SLC60A1: variants seen among roughly 807,000 people sequenced by gnomAD.
The protein encoded by SLC60A1 is solute carrier family 60 member 1.
At chr1:205,589,138 G>C in the SLC60A1 span, among the ~76,000 whole-genome samples, 1 of 152,232 alleles carries the variant, frequency 6.6e-6, no homozygotes, top group African/African-American at 2.4e-5. Flanking sequence ...TTGTACATGG[G>C]GTAGCCAGGT....
the SLC60A1 span, among the ~76,000 whole-genome samples, chr1:205,571,348 T>A: frequency 3.8e-3 from 583 of 152,290 alleles, 2 homozygotes; most frequent in African/African-American, 0.013. Flanking sequence ...GCTTTGTGAG[T>A]CATCAGTGTA....
At chr1:205,581,542 G>A in the SLC60A1 span, among the ~76,000 whole-genome samples, 3 of 152,222 alleles carry the variant, frequency 2.0e-5, no homozygotes, top group Non-Finnish European at 2.9e-5. This position sits in a 1 kb window ranked among gnomAD's most constrained non-coding sequence, Gnocchi z 4.2. Flanking sequence ...GATCTCTCAC[G>A]TTAGCCCAGA....
At chr1:205,569,663 G>GC in the SLC60A1 span, among the ~76,000 whole-genome samples, 2 of 151,990 alleles carry the variant, frequency 1.3e-5, no homozygotes, top group Non-Finnish European at 2.9e-5. Flanking sequence ...TGGGGAGGGT[G>GC]CCCCTCTTAC....
the SLC60A1 span, among the ~76,000 whole-genome samples, chr1:205,590,141 C>T: frequency 1.3e-5 from 2 of 152,156 alleles, no homozygotes; most frequent in Non-Finnish European, 2.9e-5. Flanking sequence ...GGTGCAAGTC[C>T]GGAGTCCTGG....
chr1:205,586,696 ACTCT>A, the SLC60A1 span, among the ~76,000 whole-genome samples: 1 of 127,778 alleles, frequency 7.8e-6, no homozygotes. Context: ...CTCCTAGGTG[ACTCT>A]TTTTTTTTTT....
At chr1:205,598,123 C>A in the SLC60A1 span, 2 of 369,590 alleles carry the variant, frequency 5.4e-6, no homozygotes, top group Non-Finnish European at 1.0e-5. Context: ...CCAGAGGGGG[C>A]CCGTGGGAAT....
chr1:205,579,285 G>T, the SLC60A1 span, among the ~76,000 whole-genome samples: 1 of 151,878 alleles, frequency 6.6e-6, no homozygotes, highest in African/African-American at 2.4e-5. Flanking sequence ...AGGACACAGG[G>T]CAGCCAGCGC....
chr1:205,591,304 G>A, the SLC60A1 span, among the ~76,000 whole-genome samples: 4 of 151,872 alleles, frequency 2.6e-5, no homozygotes, highest in Non-Finnish European at 4.4e-5. Context: ...GCAACATGGC[G>A]AACCCTTTCT....
chr1:205,583,011 C>T, the SLC60A1 span, among the ~76,000 whole-genome samples: 1 of 152,208 alleles, frequency 6.6e-6, no homozygotes. Context: ...TGGGCGCTCT[C>T]ACCAGCCTCT....
chr1:205,599,940 A>G, the SLC60A1 span: 2 of 153,722 alleles, frequency 1.3e-5, no homozygotes, highest in African/African-American at 4.8e-5. Context: ...AAAAAGCAAA[A>G]TCATCACAAA....
the SLC60A1 span, among the ~76,000 whole-genome samples, chr1:205,585,271 A>ACAGGC: frequency 2.0e-5 from 3 of 152,264 alleles, no homozygotes; most frequent in South Asian, 6.2e-4. The surrounding 1 kb of genome is among the most constrained non-coding windows in gnomAD (Gnocchi z 4.2). Flanking sequence ...GTTGTCAAGG[A>ACAGGC]CAGGCTACCT....
the SLC60A1 span, among the ~76,000 whole-genome samples, chr1:205,589,721 A>ACCAG: frequency 6.6e-6 from 1 of 152,260 alleles, no homozygotes; most frequent in African/African-American, 2.4e-5. Flanking sequence ...CCAAAGTGGT[A>ACCAG]GAACTAGACA....
At chr1:205,594,134 C>T in the SLC60A1 span, among the ~76,000 whole-genome samples, 5 of 152,192 alleles carry the variant, frequency 3.3e-5, no homozygotes, top group South Asian at 2.1e-4. Flanking sequence ...CTGGGCCCCA[C>T]GGGACATGGC....
chr1:205,579,034 G>T, the SLC60A1 span, among the ~76,000 whole-genome samples: 7 of 152,182 alleles, frequency 4.6e-5, no homozygotes, highest in Admixed American at 3.3e-4. Context: ...CCCTCCCCCT[G>T]CCTGCTGTGG....
the SLC60A1 span, chr1:205,592,091 A>G: frequency 9.9e-6 from 16 of 1,609,208 alleles, no homozygotes; most frequent in Non-Finnish European, 1.3e-5. Context: ...CTCACCACCG[A>G]TGCTCAGCTT....
chr1:205,580,893 A>C, the SLC60A1 span: 1 of 1,613,862 alleles, frequency 6.2e-7, no homozygotes, highest in East Asian at 2.2e-5. This position sits in a 1 kb window ranked among gnomAD's most constrained non-coding sequence, Gnocchi z 5.0. Flanking sequence ...CGAGTGTCCT[A>C]TGCCTTCTGG....
the SLC60A1 span, among the ~76,000 whole-genome samples, chr1:205,573,101 A>C: frequency 5.3e-5 from 8 of 152,042 alleles, no homozygotes; most frequent in Non-Finnish European, 1.0e-4. Flanking sequence ...CAGTGTCAAA[A>C]CCAAACAAAA....
At chr1:205,594,366 A>G in the SLC60A1 span, among the ~76,000 whole-genome samples, 2 of 152,224 alleles carry the variant, frequency 1.3e-5, no homozygotes, top group Admixed American at 6.5e-5. Flanking sequence ...TTTAATAATG[A>G]TAAGTGAGGC....
chr1:205,580,287 C>A, the SLC60A1 span, among the ~76,000 whole-genome samples: 1 of 152,110 alleles, frequency 6.6e-6, no homozygotes, highest in Non-Finnish European at 1.5e-5. The surrounding 1 kb of genome is among the most constrained non-coding windows in gnomAD (Gnocchi z 5.0). Flanking sequence ...CTTTTTGTGC[C>A]CAGGATTCAG....
Sources: gnomAD v4.1 joint callset for allele counts (sites outside exome capture counted in the v4.1 genomes callset) on GRCh38, gnomAD v4.1.1 for gene constraint, Gnocchi (gnomAD v3.1) non-coding constraint, MANE v1.5 for transcripts, NCBI Gene and HGNC (gene_info 2026-07-23, HGNC 2026-07-21) for gene names.